The following SNX31 variants were observed in gnomAD, a reference collection of about 807,000 sequenced individuals.
SNX31 encodes sorting nexin 31, also known as sorting nexin-31.
Under a neutral mutation model 65.4 loss-of-function variants are expected in SNX31, and 58 were observed. The ratio of observed to expected loss-of-function variants is 0.89; its 90% CI spans 0.72 to 1.10. The LOEUF (loss-of-function observed/expected upper bound fraction) is 1.10, where lower values mean the gene tolerates loss of function less well. Ranked by LOEUF, SNX31 falls within the 50% of genes least tolerant of loss-of-function variation. The pLI is 0.00. For missense variants in SNX31, 523 were observed against 529.7 expected (o/e 0.99, Z 0.12); for synonymous variants, 181 against 190.1 (o/e 0.95, Z 0.39).
At chr8:100,637,924 G>A (rs56019729) in intron 2 of SNX31, among the ~76,000 whole-genome samples, 22,624 of 152,072 alleles carry the variant, frequency 0.15, 1,855 homozygotes, top group South Asian at 0.23. Context: ...TCAAACTCCT[G>A]ACCTCAGGTG....
In SNX31 at chr8:100,594,741, T is replaced by C. The variant is rs1814909095; in HGVS notation, c.978+1898A>G. On this transcript the variant is annotated intron_variant, in intron 10 of 13. Transcript: ENST00000311812. The surrounding 1 kb of genome is among the most constrained non-coding windows in gnomAD (Gnocchi z 4.0). The stretch of plus-strand genomic sequence containing the variant: ...CATTCTCAAAAACAATTCGGCAGTT[T>C]CTTTAAAAAGTAAACATGCAATTAC... Among the ~76,000 whole-genome samples, 1 of 152,244 alleles carries C rather than the reference T, an allele frequency of 6.6e-6. No homozygotes were observed. Among genetic ancestry groups the C allele is most frequent in the Non-Finnish European group, 1.5e-5 (1 of 68,044 alleles).
chr8:100,656,799 G>T (rs1693587), intron 1 of SNX31, among the ~76,000 whole-genome samples: 31,351 of 152,014 alleles, frequency 0.21, 3,445 homozygotes, highest in Admixed American at 0.29. Flanking sequence ...ACAATGTGTT[G>T]CAAAGTTTGG....
At chr8:100,650,817 C>T (rs1427347358), upstream of SNX31, among the ~76,000 whole-genome samples, 1 of 151,582 alleles carries the variant, frequency 6.6e-6, no homozygotes, top group Non-Finnish European at 1.5e-5. Context: ...AGTTGAGAGG[C>T]CTTGGGCAAA....
chr8:100,583,112 CTT>C (rs113433451), intron 12 of SNX31, among the ~76,000 whole-genome samples: 5 of 144,270 alleles, frequency 3.5e-5, no homozygotes, highest in Non-Finnish European at 1.5e-5. Flanking sequence ...TTCTTTCTTT[CTT>C]TTTTTTTTTT....
At chr8:100,600,640 C>A (rs1304274822) in intron 8 of SNX31, among the ~76,000 whole-genome samples, 199 bp from the exon 9 acceptor site, 1 of 149,772 alleles carries the variant, frequency 6.7e-6, no homozygotes, top group Non-Finnish European at 1.5e-5. Context: ...CAACACTTGG[C>A]AAAAAAGAAA....
chr8:100,615,972 C>G (rs1817158154), intron 5 of SNX31, among the ~76,000 whole-genome samples: 1 of 152,050 alleles, frequency 6.6e-6, no homozygotes, highest in Admixed American at 6.5e-5. Context: ...GATGTGGTCT[C>G]ACTGTGTTAG....
At chr8:100,663,538 G>C (rs558880589), upstream of SNX31, 1 of 150,666 alleles carries the variant, frequency 6.6e-6, no homozygotes, top group African/African-American at 2.5e-5. Flanking sequence ...AGTCACAGTG[G>C]AGCCCTCTGG....
chr8:100,608,666 C>T, intron 7 of SNX31, 103 bp from the exon 8 acceptor site: 6 of 1,039,922 alleles, frequency 5.8e-6, no homozygotes, highest in Admixed American at 4.0e-5. Context: ...TGAACCAGGG[C>T]CCCCTTTTCC....
intron 8 of SNX31, among the ~76,000 whole-genome samples, chr8:100,605,972 G>T (rs1278249745): frequency 6.6e-6 from 1 of 151,946 alleles, no homozygotes; most frequent in Non-Finnish European, 1.5e-5. Flanking sequence ...CAGTAGCAAG[G>T]ATGGGCCTCA....
chr8:100,579,610 C>T (rs988914464), intron 12 of SNX31, among the ~76,000 whole-genome samples: 4 of 152,104 alleles, frequency 2.6e-5, no homozygotes, highest in African/African-American at 9.7e-5. Context: ...CCCCTCCTCA[C>T]TATATAATAG....
At chr8:100,599,458 T>G (rs1815408963) in intron 9 of SNX31, among the ~76,000 whole-genome samples, 1 of 152,150 alleles carries the variant, frequency 6.6e-6, no homozygotes, top group Non-Finnish European at 1.5e-5. Context: ...CTTTTTTTTT[T>G]TTTTGTGACA....
chr8:100,612,159 G>A lies in SNX31; in HGVS notation c.524-72C>T. On this transcript the variant is annotated intron_variant, in intron 6 of 13. Coordinates refer to ENST00000311812, the MANE Select transcript of SNX31 (RefSeq NM_152628.4). The surrounding 1 kb of genome is among the most constrained non-coding windows in gnomAD (Gnocchi z 4.3). ...AGCTTATATATAGCAGCTTTCAAAT[G>A]AGAAAATAAAACCTTATTATTGGAA... 3 of 907,522 alleles carry A rather than the reference G, an allele frequency of 3.3e-6. No homozygotes were observed. The highest frequency in any genetic ancestry group is 5.3e-6 in the Non-Finnish European group (3 of 569,028). The allele number at this position is 907,522 out of a possible 1,614,324, so 56.2% of individuals were successfully genotyped here.
At chr8:100,596,531 T>C in intron 10 of SNX31, 108 bp downstream of exon 10, 1 of 886,050 alleles carries the variant, frequency 1.1e-6, no homozygotes, top group Non-Finnish European at 1.8e-6. Flanking sequence ...GTCACTCCAC[T>C]CAAGGTACAG....
intron 10 of SNX31, 73 bp downstream of exon 10, chr8:100,596,566 T>A: frequency 7.9e-7 from 1 of 1,268,320 alleles, no homozygotes; most frequent in Non-Finnish European, 1.1e-6. Context: ...CCTGTCTCCC[T>A]AGTGTCAACT....
At chr8:100,596,589 G>A in intron 10 of SNX31, 50 bp downstream of exon 10, 1 of 1,489,524 alleles carries the variant, frequency 6.7e-7, no homozygotes, top group Non-Finnish European at 9.4e-7. Flanking sequence ...GTCATCCAAG[G>A]GTACTAGGAT....
rs1466973455 is a variant in SNX31 at position 100,609,667 on chromosome 8, A to T, written c.612-1104T>A. ...TGCTCAGAATAGGGTGAATAGACCA[A>T]TGGGGTTGGCTTAGACCAGGAAAGG... On this transcript the variant is annotated intron_variant, in intron 7 of 13. Coordinates refer to ENST00000311812, the MANE Select transcript of SNX31 (RefSeq NM_152628.4). The surrounding 1 kb of genome is among the most constrained non-coding windows in gnomAD (Gnocchi z 4.9). 6.6e-6 allele frequency among the ~76,000 whole-genome samples: 1 copy of T among 152,156 alleles called. No homozygotes were observed. Among genetic ancestry groups the T allele is most frequent in the Non-Finnish European group, 1.5e-5 (1 of 68,020 alleles).
intron 9 of SNX31, among the ~76,000 whole-genome samples, chr8:100,598,538 G>A (rs1758642141): frequency 6.7e-6 from 1 of 149,918 alleles, no homozygotes; most frequent in East Asian, 1.9e-4. Context: ...AGGTGGTGAT[G>A]AGTAAGTAAC....
intron 1 of SNX31, among the ~76,000 whole-genome samples, chr8:100,661,261 C>T (rs991123704): frequency 6.6e-6 from 1 of 152,172 alleles, no homozygotes; most frequent in Non-Finnish European, 1.5e-5. Context: ...CCGCCTCGGC[C>T]TCCCAAAGTG....
At chr8:100,653,514 G>A (rs1388294136), upstream of SNX31, among the ~76,000 whole-genome samples, 3 of 152,176 alleles carry the variant, frequency 2.0e-5, no homozygotes, top group Admixed American at 6.5e-5. Context: ...ACATGAAGAC[G>A]AGGCAGAGCT....
Sources: gnomAD v4.1 joint callset for allele counts (sites outside exome capture counted in the v4.1 genomes callset) on GRCh38, gnomAD v4.1.1 for gene constraint, Gnocchi (gnomAD v3.1) non-coding constraint, MANE v1.5 for transcripts, NCBI Gene and HGNC (gene_info 2026-07-23, HGNC 2026-07-21) for gene names.